Variants in KATNIP observed in about 807,000 individuals in gnomAD.
KATNIP encodes the protein katanin-interacting protein.
KATNIP carries 126 observed loss-of-function variants against 174.0 expected under a neutral mutation model. The ratio of observed to expected loss-of-function variants is 0.72; its 90% confidence interval spans 0.63 to 0.84. The LOEUF (loss-of-function observed/expected upper bound fraction) is 0.84. Among genes scored for constraint, KATNIP ranks in the 40% least tolerant of loss-of-function variants. KATNIP has a pLI of 0.00. For missense variants in KATNIP, 1,958 were observed against 2,109.7 expected (o/e 0.93, Z 1.41); for synonymous variants, 810 against 835.7 (o/e 0.97, Z 0.53).
intron 18 of KATNIP, among the ~76,000 whole-genome samples, chr16:27,758,072 T>A (rs1311958849): frequency 6.6e-6 from 1 of 151,586 alleles, no homozygotes; most frequent in Non-Finnish European, 1.5e-5. Context: ...AAAAGGAGAG[T>A]AATCAATTTC....
intron 8 of KATNIP, among the ~76,000 whole-genome samples, chr16:27,694,256 A>G (rs922279429): frequency 1.3e-5 from 2 of 152,148 alleles, no homozygotes; most frequent in Non-Finnish European, 2.9e-5. Flanking sequence ...CAGACACAGC[A>G]TTCTAATGGG....
chr16:27,665,210 TCTC>T (rs2077641576), intron 6 of KATNIP, among the ~76,000 whole-genome samples: 1 of 151,756 alleles, frequency 6.6e-6, no homozygotes, highest in African/African-American at 2.4e-5. Context: ...TTCAAGCAAT[TCTC>T]CTGCCTCAGC....
intron 19 of KATNIP, among the ~76,000 whole-genome samples, chr16:27,763,483 G>T (rs1597401951): frequency 6.8e-6 from 1 of 148,130 alleles, no homozygotes; most frequent in East Asian, 2.0e-4. Flanking sequence ...AGGCATTGTG[G>T]CATGTGCTTG....
chr16:27,778,538 T>A (rs1298732541), intron 27 of KATNIP, 36 bp from the exon 28 acceptor site: 12 of 1,606,622 alleles, frequency 7.5e-6, no homozygotes, highest in African/African-American at 1.3e-5. Context: ...GTTTGAGACT[T>A]AGTAACTCTG....
chr16:27,744,454 G>A (rs1432942226), intron 15 of KATNIP, among the ~76,000 whole-genome samples: 1 of 152,088 alleles, frequency 6.6e-6, no homozygotes, highest in Non-Finnish European at 1.5e-5. Context: ...CTTGAACCCA[G>A]GCACTGAAAT....
chr16:27,632,556 G>A (rs1319324390), intron 5 of KATNIP: 1 of 448,432 alleles, frequency 2.2e-6, no homozygotes, highest in Admixed American at 2.4e-5. Context: ...GGGAGACACG[G>A]AAACCCTCAC....
chr16:27,557,107 C>A (rs1297954040), intron 1 of KATNIP, among the ~76,000 whole-genome samples: 1 of 150,968 alleles, frequency 6.6e-6, no homozygotes, highest in African/African-American at 2.4e-5. Flanking sequence ...TATGGGAATT[C>A]ATTGTACTAT....
intron 5 of KATNIP, among the ~76,000 whole-genome samples, chr16:27,631,921 A>G (rs1171175210): frequency 6.6e-6 from 1 of 152,232 alleles, no homozygotes; most frequent in Non-Finnish European, 1.5e-5. Flanking sequence ...TACCACACGT[A>G]GGCTCAGCTC....
chr16:27,762,708 G>A (rs919748454), intron 19 of KATNIP, among the ~76,000 whole-genome samples: 35 of 152,290 alleles, frequency 2.3e-4, no homozygotes, highest in Admixed American at 7.8e-4. Context: ...TTTTCTATAA[G>A]GTGGCCCTGA....
rs191440973 is a variant in KATNIP, at chr16:27,671,846, G to T, written c.541-5883G>T. Among the ~76,000 whole-genome samples, 702 of 152,076 alleles carry T rather than the reference G, an allele frequency of 4.6e-3. 3 individuals carry two copies. Among genetic ancestry groups the T allele is most frequent in the South Asian group, 0.021 (99 of 4,806 alleles). On this transcript the variant is annotated intron_variant, in intron 6 of 27. Coordinates refer to ENST00000261588, the MANE Select transcript of KATNIP (RefSeq NM_015202.5). ...TGAGGCGGGTGGATCACCTGAAGTC[G>T]GGAGTTCAAGACCAGCCTGGCCAAC...
intron 14 of KATNIP, among the ~76,000 whole-genome samples, chr16:27,729,545 T>A (rs771405241): frequency 1.3e-5 from 2 of 152,206 alleles, no homozygotes. Context: ...TCTTAGAACA[T>A]AGGAGTCACA....
Position 27,766,460 on chromosome 16 carries a change from G to A in KATNIP, c.3961G>A (p.Asp1321Asn), listed in dbSNP as rs376303774. The A allele has an allele frequency of 1.9e-6, 3 of 1,612,620 alleles. No individual in the cohort carries two copies. In the African/African-American group the frequency reaches 4.0e-5, roughly 22 times the overall value. The change falls in exon 20 of 28, where the codon GAC (aspartate) becomes AAC (asparagine). Residue 1321 changes from aspartate to asparagine, a missense_variant. Physicochemically the swap from Asp to Asn is conservative, Grantham distance 23. Transcript: ENST00000261588. ...RFWNYNKSPEDTYRGAKIVHV... is the reference protein window; with the variant it reads ...RFWNYNKSPENTYRGAKIVHV... The stretch of plus-strand genomic sequence containing the variant: ...CTGGAACTACAATAAATCTCCCGAG[G>A]ACACCTATCGCGGGGTAAGCTGGGG...
At chr16:27,602,842 G>A (rs911354300) in intron 2 of KATNIP, among the ~76,000 whole-genome samples, 4 of 152,112 alleles carry the variant, frequency 2.6e-5, no homozygotes, top group African/African-American at 7.2e-5. Flanking sequence ...GTGATTACAG[G>A]CGCCCACCAC....
intron 5 of KATNIP, among the ~76,000 whole-genome samples, chr16:27,640,215 A>T (rs779896447): frequency 4.4e-4 from 67 of 152,232 alleles, no homozygotes; most frequent in Non-Finnish European, 9.1e-4. Context: ...CCCCCATATG[A>T]TTGATACTGC....
chr16:27,619,311 G>A (rs188396800), intron 3 of KATNIP, among the ~76,000 whole-genome samples: 46 of 152,312 alleles, frequency 3.0e-4, no homozygotes, highest in East Asian at 5.8e-4. Context: ...AGAGAAGCTG[G>A]AGATCTGCAT....
At position 27,618,962 on chromosome 16, in the gene KATNIP, G is replaced by A. The variant is rs888444115; in HGVS notation, c.140+461G>A. Reference sequence around the variant, plus strand: ...TTGAAGTTAAAGTAGGACTGATTTTGTCTCTGGAATGCTTGTTCTTGAAAA... The same window carrying A: ...TTGAAGTTAAAGTAGGACTGATTTTATCTCTGGAATGCTTGTTCTTGAAAA... On this transcript the variant is annotated intron_variant, in intron 3 of 27. Transcript: ENST00000261588. Among the ~76,000 whole-genome samples the A allele has an allele frequency of 2.0e-5, 3 of 152,334 alleles. No homozygotes were observed. The East Asian group carries it at 5.8e-4, about 29-fold the overall frequency.
chr16:27,695,330 C>T (rs1021966622), intron 8 of KATNIP, among the ~76,000 whole-genome samples: 1 of 152,214 alleles, frequency 6.6e-6, no homozygotes, highest in African/African-American at 2.4e-5. Context: ...CCCTGCATGA[C>T]CTGCGCTCCC....
At chr16:27,630,793 A>C (rs760513859) in intron 4 of KATNIP, among the ~76,000 whole-genome samples, 5 of 152,182 alleles carry the variant, frequency 3.3e-5, no homozygotes, top group Non-Finnish European at 7.3e-5. Flanking sequence ...TCTTCTCTGT[A>C]TATACAGACC....
chr16:27,602,133 C>T (rs2075547911), intron 2 of KATNIP, among the ~76,000 whole-genome samples: 1 of 152,138 alleles, frequency 6.6e-6, no homozygotes, highest in African/African-American at 2.4e-5. Context: ...GTTTATGCTG[C>T]CCCAGGCCTG....
Sources: gnomAD v4.1 joint callset for allele counts (sites outside exome capture counted in the v4.1 genomes callset) on GRCh38, gnomAD v4.1.1 for gene constraint, MANE v1.5 for transcripts, NCBI Gene and HGNC (gene_info 2026-07-23, HGNC 2026-07-21) for gene names.